COPS4: variants seen among roughly 807,000 people sequenced by gnomAD.
COPS4 encodes COP9 signalosome subunit 4, also known as COP9 signalosome complex subunit 4.
A neutral mutation model predicts 55.1 loss-of-function variants in COPS4; 8 were observed. The ratio of observed to expected loss-of-function variants is 0.15; its 90% CI spans 0.09 to 0.26. The LOEUF is 0.26. Among genes scored for constraint, COPS4 ranks in the 10% least tolerant of loss-of-function variants. COPS4 has a pLI of 1.00. For missense variants in COPS4, 248 were observed against 484.0 expected (o/e 0.51, Z 4.58); for synonymous variants, 185 against 165.7 (o/e 1.12, Z -0.90).
At position 83,050,154 on chromosome 4, in the gene COPS4, G is replaced by T. The variant is rs540930626; in HGVS notation, c.410+170G>T. Among the ~76,000 whole-genome samples the T allele has an allele frequency of 1.8e-4, 28 of 152,224 alleles. 1 individual carries two copies. The South Asian group carries it at 5.8e-3, about 32-fold the overall frequency. On this transcript the variant is annotated intron_variant, in intron 4 of 9. Transcript: ENST00000264389. Reference sequence around the variant, plus strand: ...GGAGAAAAGTAATGGGGCAAAGCGGGGACAGGTTGTATGTATATTTAAATA... The same window carrying T: ...GGAGAAAAGTAATGGGGCAAAGCGGTGACAGGTTGTATGTATATTTAAATA...
At chr4:83,042,710 C>G (rs1309737232) in intron 1 of COPS4, among the ~76,000 whole-genome samples, 1 of 151,934 alleles carries the variant, frequency 6.6e-6, no homozygotes, top group Non-Finnish European at 1.5e-5. Flanking sequence ...TCAGGCAATC[C>G]TCCCCCCTCA....
At chr4:83,057,521 TA>T in intron 6 of COPS4, 113 bp downstream of exon 6, 1 of 747,054 alleles carries the variant, frequency 1.3e-6, no homozygotes, top group South Asian at 2.3e-5. Flanking sequence ...GATGTCTTCA[TA>T]ATACAGTTAT....
chr4:83,056,902 A>G lies in COPS4; in HGVS notation c.411-24A>G, dbSNP rs749762348. On this transcript the variant is annotated intron_variant, in intron 4 of 9. Transcript: ENST00000264389. ...TTTCTTGACAAAATGTTGAGTCATTATGTGTTTTTCTGTTACATCCTAGAC... is the reference window on the plus strand; with the variant it reads ...TTTCTTGACAAAATGTTGAGTCATTGTGTGTTTTTCTGTTACATCCTAGAC... 3.9e-6 allele frequency: 6 copies of G among 1,540,606 alleles called. No homozygotes were observed. The South Asian group carries it at 6.0e-5, about 15-fold the overall frequency.
chr4:83,042,961 G>A (rs1259393125), intron 1 of COPS4, among the ~76,000 whole-genome samples: 1 of 150,350 alleles, frequency 6.7e-6, no homozygotes, highest in Non-Finnish European at 1.5e-5. Context: ...CATTGCCCAG[G>A]CTGGTCTTGA....
intron 9 of COPS4, among the ~76,000 whole-genome samples, chr4:83,070,322 A>G (rs1731390497): frequency 6.6e-6 from 1 of 152,164 alleles, no homozygotes; most frequent in African/African-American, 2.4e-5. Flanking sequence ...GACAATGCCT[A>G]CATTTACCTT....
At chr4:83,075,240 C>T (rs1731544182) in intron 9 of COPS4, 57 bp from the exon 10 acceptor site, 10 of 1,541,586 alleles carry the variant, frequency 6.5e-6, no homozygotes, top group Non-Finnish European at 8.9e-6. Context: ...TTTTAACTCA[C>T]AGTTGCTGTG....
At chr4:83,064,301 C>T (rs1223510196) in intron 7 of COPS4, among the ~76,000 whole-genome samples, 2 of 152,108 alleles carry the variant, frequency 1.3e-5, no homozygotes, top group Non-Finnish European at 2.9e-5. Context: ...TGCCCCACTG[C>T]ACTGCGGTTT....
At chr4:83,041,683 G>A (rs1183357162) in intron 1 of COPS4, among the ~76,000 whole-genome samples, 2 of 151,872 alleles carry the variant, frequency 1.3e-5, no homozygotes, top group African/African-American at 2.4e-5. Context: ...GGCCAGGCTG[G>A]TCTTGAACTC....
chr4:83,063,428 C>T (rs1291642127), intron 7 of COPS4, among the ~76,000 whole-genome samples, 182 bp downstream of exon 7: 1 of 149,778 alleles, frequency 6.7e-6, no homozygotes, highest in East Asian at 2.0e-4. Context: ...GAGACAGAGT[C>T]TTGCTCTGTC....
At chr4:83,062,288 C>T (rs1421344166) in intron 6 of COPS4, among the ~76,000 whole-genome samples, 1 of 152,124 alleles carries the variant, frequency 6.6e-6, no homozygotes, top group African/African-American at 2.4e-5. Context: ...TAGAAATCAC[C>T]TGTTCTTCCA....
At chr4:83,045,573 C>T in intron 1 of COPS4, 53 bp from the exon 2 acceptor site, 1 of 1,355,492 alleles carries the variant, frequency 7.4e-7, no homozygotes. Flanking sequence ...TCAAAGTTTG[C>T]ATTAGAAAAT....
intron 2 of COPS4, among the ~76,000 whole-genome samples, chr4:83,048,112 T>C (rs889567811): frequency 2.6e-5 from 4 of 152,234 alleles, no homozygotes; most frequent in Non-Finnish European, 4.4e-5. Context: ...TGTTGAGTGC[T>C]ATGTACCAGG....
At chr4:83,043,075 G>C (rs552986608) in intron 1 of COPS4, among the ~76,000 whole-genome samples, 11 of 152,160 alleles carry the variant, frequency 7.2e-5, no homozygotes, top group Non-Finnish European at 1.5e-4. Flanking sequence ...TATAAAATTG[G>C]GAGTTTATGT....
At chr4:83,066,357 A>T in intron 7 of COPS4, 81 bp from the exon 8 acceptor site, 1 of 653,230 alleles carries the variant, frequency 1.5e-6, no homozygotes, top group Non-Finnish European at 2.6e-6. Flanking sequence ...TTACGTGCCT[A>T]GACATTTTCA....
At chr4:83,043,366 A>G (rs1730613979) in intron 1 of COPS4, among the ~76,000 whole-genome samples, 1 of 151,886 alleles carries the variant, frequency 6.6e-6, no homozygotes, top group African/African-American at 2.4e-5. Flanking sequence ...AAAGAAAAGA[A>G]CAGTTAACCA....
intron 7 of COPS4, among the ~76,000 whole-genome samples, chr4:83,065,419 TAGG>T (rs1731271307): frequency 6.6e-6 from 1 of 152,076 alleles, no homozygotes; most frequent in African/African-American, 2.4e-5. Context: ...GACTGGGAGA[TAGG>T]AGTTAAGTGA....
chr4:83,074,405 A>C (rs1731511899), intron 9 of COPS4, among the ~76,000 whole-genome samples: 1 of 151,292 alleles, frequency 6.6e-6, no homozygotes, highest in Admixed American at 6.6e-5. Flanking sequence ...AAGAAAAAAC[A>C]CTTTTCTTAA....
chr4:83,050,799 G>A (rs1229973214), intron 4 of COPS4, among the ~76,000 whole-genome samples: 1 of 152,134 alleles, frequency 6.6e-6, no homozygotes, highest in Non-Finnish European at 1.5e-5. Context: ...AGTTTTATAA[G>A]CCATTGTAAG....
intron 1 of COPS4, among the ~76,000 whole-genome samples, chr4:83,040,827 G>T (rs1730546741): frequency 7.1e-6 from 1 of 140,606 alleles, no homozygotes; most frequent in African/African-American, 2.6e-5. Context: ...GTAAGTGGAA[G>T]ATCTGTTAAT....
Sources: gnomAD v4.1 joint callset for allele counts (sites outside exome capture counted in the v4.1 genomes callset) on GRCh38, gnomAD v4.1.1 for gene constraint, MANE v1.5 for transcripts, NCBI Gene and HGNC (gene_info 2026-07-23, HGNC 2026-07-21) for gene names.